The following PDE3A variants were observed in gnomAD, a reference collection of about 807,000 sequenced individuals.
PDE3A encodes cGMP-inhibited 3',5'-cyclic phosphodiesterase 3A.
PDE3A carries 43 observed loss-of-function variants against 98.3 expected under a neutral mutation model. The observed-to-expected ratio is 0.44, with a 90% CI of 0.34 to 0.56. The LOEUF (loss-of-function observed/expected upper bound fraction) is 0.56. Among genes scored for constraint, PDE3A ranks in the 20% least tolerant of loss-of-function variants. The pLI, the probability that PDE3A is intolerant of heterozygous loss-of-function variation, is 0.01. For missense variants in PDE3A, 1,427 were observed against 1,440.7 expected, an observed-to-expected ratio of 0.99 and a Z score of 0.15; for synonymous variants, 663 against 567.9, an observed-to-expected ratio of 1.17 and a Z score of -2.38.
intron 1 of PDE3A, among the ~76,000 whole-genome samples, chr12:20,501,658 A>G (rs539923392): frequency 2.6e-5 from 4 of 152,272 alleles, no homozygotes; most frequent in Non-Finnish European, 5.9e-5. Flanking sequence ...TGTTCATTTA[A>G]TGAGTACTTA....
At chr12:20,469,768 A>G (rs978105059) in intron 1 of PDE3A, among the ~76,000 whole-genome samples, 8 of 152,202 alleles carry the variant, frequency 5.3e-5, no homozygotes, top group Non-Finnish European at 1.0e-4. Context: ...AGGAAATATT[A>G]TGTGGGTGGA....
At chr12:20,615,336 A>T (rs981043402) in intron 3 of PDE3A, among the ~76,000 whole-genome samples, 3 of 152,140 alleles carry the variant, frequency 2.0e-5, no homozygotes, top group Non-Finnish European at 2.9e-5. Context: ...TAAGAAGGGG[A>T]ACAGCAGGTT....
chr12:20,533,784 C>T (rs1319403365), intron 1 of PDE3A, among the ~76,000 whole-genome samples: 1 of 152,102 alleles, frequency 6.6e-6, no homozygotes, highest in Middle Eastern at 3.2e-3. Flanking sequence ...CCGCGCCCGG[C>T]CCCCACTTTC....
chr12:20,485,286 T>TATG (rs1478949519), intron 1 of PDE3A, among the ~76,000 whole-genome samples: 1 of 152,136 alleles, frequency 6.6e-6, no homozygotes, highest in Non-Finnish European at 1.5e-5. Context: ...CCTCTTTTTA[T>TATG]ATGTCTGTCT....
At chr12:20,548,132 C>A (rs773608334) in intron 1 of PDE3A, among the ~76,000 whole-genome samples, 1 of 152,042 alleles carries the variant, frequency 6.6e-6, no homozygotes, top group African/African-American at 2.4e-5. Flanking sequence ...TTTCAAAATG[C>A]TTTCTATAAC....
chr12:20,406,586 C>A (rs898120582), intron 1 of PDE3A, among the ~76,000 whole-genome samples: 1 of 152,092 alleles, frequency 6.6e-6, no homozygotes, highest in African/African-American at 2.4e-5. Context: ...TGTATAAGTT[C>A]CCGATATATT....
At chr12:20,377,396 GC>G (rs1943591392) in intron 1 of PDE3A, among the ~76,000 whole-genome samples, 1 of 151,650 alleles carries the variant, frequency 6.6e-6, no homozygotes, top group Admixed American at 6.6e-5. Flanking sequence ...GAAATATTTT[GC>G]ATTCTGTTTT....
At chr12:20,449,234 T>C (rs1482415549) in intron 1 of PDE3A, among the ~76,000 whole-genome samples, 1 of 152,240 alleles carries the variant, frequency 6.6e-6, no homozygotes, top group East Asian at 1.9e-4. Flanking sequence ...CCTTTTCTCC[T>C]CGTGATTCTG....
chr12:20,468,914 T>C lies in PDE3A; in HGVS notation c.961-87746T>C, dbSNP rs545414197. ...AGAGGAGAGTTTACTAAGTAGCTTA[T>C]TTTGCAAACTGTGAGGCTGCCACTC... On this transcript the variant is annotated intron_variant, in intron 1 of 15. Coordinates refer to ENST00000359062, the MANE Select transcript of PDE3A (RefSeq NM_000921.5). Among the ~76,000 whole-genome samples, 6 of 152,276 alleles carry C rather than the reference T, an allele frequency of 3.9e-5. 1 individual carries two copies. Among genetic ancestry groups the C allele is most frequent in the African/African-American group, 1.4e-4 (6 of 41,554 alleles).
intron 1 of PDE3A, among the ~76,000 whole-genome samples, chr12:20,439,568 C>G (rs551038308): frequency 4.2e-4 from 64 of 152,234 alleles, no homozygotes; most frequent in African/African-American, 1.4e-3. Context: ...TTATTGCTGA[C>G]TGCTTATAAG....
intron 2 of PDE3A, chr12:20,572,128 T>C: frequency 1.6e-6 from 2 of 1,280,094 alleles, no homozygotes. Flanking sequence ...TGATTATACA[T>C]GGTGACGATA....
At chr12:20,586,090 G>A (rs1483597229) in intron 2 of PDE3A, among the ~76,000 whole-genome samples, 1 of 152,196 alleles carries the variant, frequency 6.6e-6, no homozygotes, top group Non-Finnish European at 1.5e-5. Context: ...ACCTTCAAGG[G>A]TGGGACTAAA....
intron 4 of PDE3A, among the ~76,000 whole-genome samples, chr12:20,617,362 T>C (rs1208517273): frequency 1.3e-5 from 2 of 152,162 alleles, no homozygotes; most frequent in Non-Finnish European, 2.9e-5. Context: ...AAGACATCTA[T>C]AGAATTGGAA....
intron 1 of PDE3A, among the ~76,000 whole-genome samples, chr12:20,455,925 C>T (rs1945144680): frequency 6.6e-6 from 1 of 152,082 alleles, no homozygotes; most frequent in Non-Finnish European, 1.5e-5. Context: ...AAGCGTTCAT[C>T]CCTGGAACAT....
chr12:20,381,325 G>C (rs1030264570), intron 1 of PDE3A, among the ~76,000 whole-genome samples: 1 of 151,774 alleles, frequency 6.6e-6, no homozygotes, highest in African/African-American at 2.4e-5. Context: ...CCATAAAAAT[G>C]AGTGCCAAAA....
chr12:20,627,626 G>A (rs1331777136), intron 5 of PDE3A, among the ~76,000 whole-genome samples: 1 of 148,328 alleles, frequency 6.7e-6, no homozygotes, highest in Non-Finnish European at 1.5e-5. Context: ...GAGCATTTCT[G>A]TTCTTCCCTG....
At chr12:20,457,840 G>A (rs372343135) in intron 1 of PDE3A, among the ~76,000 whole-genome samples, 2 of 151,880 alleles carry the variant, frequency 1.3e-5, no homozygotes, top group Admixed American at 6.6e-5. Context: ...ATTAATTAAC[G>A]TGTCACATAG....
chr12:20,671,926 G>C (rs1162185669), intron 15 of PDE3A, among the ~76,000 whole-genome samples: 4 of 141,024 alleles, frequency 2.8e-5, no homozygotes, highest in South Asian at 2.3e-4. Context: ...GTTTGCAGAT[G>C]ACATGATTGT....
At chr12:20,556,569 T>C (rs1942373435) in intron 1 of PDE3A, 91 bp from the exon 2 acceptor site, 3 of 834,924 alleles carry the variant, frequency 3.6e-6, no homozygotes, top group African/African-American at 3.5e-5. Context: ...TAATAAAGAT[T>C]GGAACAACCT....
Sources: allele counts gnomAD v4.1 joint callset (sites outside exome capture counted in the v4.1 genomes callset), GRCh38; gene constraint gnomAD v4.1.1; transcripts MANE v1.5; gene names NCBI Gene and HGNC (gene_info 2026-07-23, HGNC 2026-07-21).